The following MUC3A variants were observed in gnomAD, a reference collection of about 807,000 sequenced individuals.
MUC3A encodes mucin 3A, cell surface associated, also known as mucin-3A.
Under a neutral mutation model 109.0 loss-of-function variants are expected in MUC3A, and 109 were observed. That is an observed-to-expected ratio of 1.00 (90% CI 0.86 to 1.17). MUC3A has a LOEUF of 1.17. Ranked by LOEUF, MUC3A falls within the 50% of genes most tolerant of loss-of-function variation. The pLI is 0.00. For missense variants in MUC3A, 3,537 were observed against 2,469.4 expected (o/e 1.43, Z -9.16); for synonymous variants, 1,398 against 981.4 (o/e 1.42, Z -7.93).
rs1261356118 is a variant in MUC3A at position 100,964,898 on chromosome 7, C to G, written c.9382+55C>G. Reference sequence around the variant, plus strand: ...GCCTGAGGTGTCACCCCAGCCCACTCCAGCTCAGCCAGGGGGCCACTGGGC... The same window carrying G: ...GCCTGAGGTGTCACCCCAGCCCACTGCAGCTCAGCCAGGGGGCCACTGGGC... On this transcript the variant is annotated intron_variant, in intron 6 of 11. Coordinates refer to ENST00000379458, the MANE Select transcript of MUC3A (RefSeq NM_005960.2). 5 of 1,537,626 alleles carry G rather than the reference C, an allele frequency of 3.3e-6. No homozygotes were observed. The Admixed American group carries it at 9.6e-5, about 29-fold the overall frequency.
At chr7:100,966,215 A>T (rs74619383) in intron 8 of MUC3A, 171 bp from the exon 9 acceptor site, 1 of 305,836 alleles carries the variant, frequency 3.3e-6, no homozygotes, top group Non-Finnish European at 4.1e-6. Flanking sequence ...CACCTAGGGT[A>T]GAGCCCCGGC....
At chr7:100,966,065 C>A in intron 8 of MUC3A, 199 bp downstream of exon 8, 2 of 534,800 alleles carry the variant, frequency 3.7e-6, no homozygotes, top group Non-Finnish European at 5.3e-6. Context: ...GGGGTTGAGT[C>A]CTGTCCCCTA....
chr7:100,959,172 A>C lies in MUC3A; in HGVS notation c.7393A>C (p.Thr2465Pro). Residue 2465 changes from threonine to proline, a missense_variant, in exon 2 of 12, where the codon ACC (threonine) becomes CCC (proline). Physicochemically the swap from Thr to Pro is conservative, Grantham distance 38. Transcript: ENST00000379458. Reference protein sequence around the residue: ...STTAITSHFTTSETAVTPTPV... With the variant: ...STTAITSHFTPSETAVTPTPV... ...AACTGCCATCACCTCACATTTTACTACCTCAGAGACTGCGGTGACTCCCAC... is the reference window on the plus strand; with the variant it reads ...AACTGCCATCACCTCACATTTTACTCCCTCAGAGACTGCGGTGACTCCCAC... The C allele has an allele frequency of 1.3e-6, 2 of 1,598,240 alleles. No individual in the cohort carries two copies. The highest frequency in any genetic ancestry group is 1.7e-6 in the Non-Finnish European group (2 of 1,179,748).
At chr7:100,951,527 A>C (rs1212262765) in intron 1 of MUC3A, among the ~76,000 whole-genome samples, 2 of 152,102 alleles carry the variant, frequency 1.3e-5, no homozygotes, top group Non-Finnish European at 2.9e-5. Flanking sequence ...TGACCAGAGG[A>C]GGGAAGGGAG....
At position 100,952,088 on chromosome 7, in the gene MUC3A, C is replaced by A; in HGVS notation, c.309C>A (p.Thr103=). 1 of 1,598,658 alleles carries A rather than the reference C, an allele frequency of 6.3e-7. No homozygotes were observed. Among genetic ancestry groups the A allele is most frequent in the East Asian group, 2.2e-5 (1 of 44,892 alleles). The change falls in exon 2 of 12, where the codon ACC becomes ACA. Residue 103 remains threonine, a synonymous_variant. Transcript: ENST00000379458. ...NSPVSSNTST[T]PTSKFAFKVE... ...CAGTCAGTTCCAACACCTCAACCACCCCGACGTCCAAGTTTGCCTTCAAGG... is the reference window on the plus strand; with the variant it reads ...CAGTCAGTTCCAACACCTCAACCACACCGACGTCCAAGTTTGCCTTCAAGG...
At position 100,958,765 on chromosome 7, in the gene MUC3A, C is replaced by G. The variant is rs751655829; in HGVS notation, c.6986C>G (p.Thr2329Ser). 6.6e-7 allele frequency: 1 copy of G among 1,505,392 alleles called. No homozygotes were observed. Among genetic ancestry groups the G allele is most frequent in the Non-Finnish European group, 9.0e-7 (1 of 1,115,468 alleles). The allele number at this position is 1,505,392 out of a possible 1,614,324, so 93.3% of individuals were successfully genotyped here. The stretch of plus-strand genomic sequence containing the variant: ...GCTCACAGCTTCACTTCTTCGATCA[C>G]CACCACCGAGACCACCTCACACAAT... ...HSAHSFTSSI[T>S]TTETTSHNTR... Residue 2329 changes from threonine to serine, a missense_variant, in exon 2 of 12, where the codon ACC (threonine) becomes AGC (serine). Physicochemically the swap from Thr to Ser is moderately conservative, Grantham distance 58. Transcript: ENST00000379458.
chr7:100,965,992 C>A (rs1792527253), intron 8 of MUC3A, 126 bp downstream of exon 8: 1 of 1,387,806 alleles, frequency 7.2e-7, no homozygotes, highest in Non-Finnish European at 9.5e-7. Flanking sequence ...CCCAGAGTGC[C>A]GCTCCAAGCC....
chr7:100,957,713 A>T lies in MUC3A; in HGVS notation c.5934A>T (p.Ser1978=). 6.6e-6 allele frequency: 2 copies of T among 300,892 alleles called. No homozygotes were observed. The highest frequency in any genetic ancestry group is 1.1e-4 in the East Asian group (1 of 9,320). The allele number at this position is 300,892 out of a possible 1,614,324, so 18.6% of individuals were successfully genotyped here. A position where few individuals can be genotyped will look rare whatever the true frequency, so the allele number is the denominator to read the frequency against. ...ACAATACTCCCAGCCTCACTTCTTC[A>T]ATCACCACCACCAAGACCACCTCAC... The part of the protein sequence containing the change: ...TSHNTPSLTS[S]ITTTKTTSHS... The change falls in exon 2 of 12, where the codon TCA becomes TCT. Residue 1978 remains serine, a synonymous_variant. Transcript: ENST00000379458.
rs75977979 is a variant in MUC3A at position 100,958,654 on chromosome 7, C to T, written c.6875C>T (p.Ser2292Phe). 1 of 1,317,644 alleles carries T rather than the reference C, an allele frequency of 7.6e-7. No individual in the cohort carries two copies. The highest frequency in any genetic ancestry group is 9.7e-7 in the Non-Finnish European group (1 of 1,027,020). The allele number at this position is 1,317,644 out of a possible 1,614,324, so 81.6% of individuals were successfully genotyped here. A position where few individuals can be genotyped will look rare whatever the true frequency, so the allele number is the denominator to read the frequency against. ...TPSHSTPSST[S>F]LITTTKTTSH... ...TCACACAGTACTCCCAGCTCCACTT[C>T]TTTAATCACCACCACCAAGACCACC... Residue 2292 changes from serine to phenylalanine, a missense_variant, in exon 2 of 12, where the codon TCT (serine) becomes TTT (phenylalanine). Ser to Phe is a radical substitution (Grantham distance 155). Transcript: ENST00000379458.
intron 3 of MUC3A, 138 bp downstream of exon 3, chr7:100,961,075 C>T (rs1303400390): frequency 1.3e-6 from 2 of 1,528,276 alleles, no homozygotes; most frequent in East Asian, 2.4e-5. Context: ...CTCTCCCATG[C>T]CCTCCGCTGC....
chr7:100,957,298 C>A lies in MUC3A; in HGVS notation c.5519C>A (p.Thr1840Asn). The change falls in exon 2 of 12, where the codon ACC becomes AAC. Residue 1840 changes from threonine (T) to asparagine (N), a missense_variant. By Grantham distance (65) the Thr-to-Asn change is moderately conservative. Transcript: ENST00000379458. ...DTSSTPTSET[T>N]YPTSLTSALT... ...AGTTCTACACCTACATCTGAGACCA[C>A]CTACCCTACTTCTCTTACTAGTGCT... 1 of 562,180 alleles carries A rather than the reference C, an allele frequency of 1.8e-6. No homozygotes were observed. Among genetic ancestry groups the A allele is most frequent in the Non-Finnish European group, 3.1e-6 (1 of 321,316 alleles). The allele number at this position is 562,180 out of a possible 1,614,324, so 34.8% of individuals were successfully genotyped here.
intron 8 of MUC3A, 149 bp from the exon 9 acceptor site, chr7:100,966,237 G>GGGAGGAGACCCGTCCGCTTGTTCTAC: frequency 1.5e-6 from 1 of 663,560 alleles, no homozygotes; most frequent in Non-Finnish European, 2.1e-6. Flanking sequence ...CCTCGTTCTA[G>GGGAGGAGACCCGTCCGCTTGTTCTAC]GGTGGATTCC....
intron 11 of MUC3A, 84 bp from the exon 12 acceptor site, chr7:100,967,037 G>A: frequency 6.3e-7 from 1 of 1,598,496 alleles, no homozygotes; most frequent in Non-Finnish European, 8.5e-7. Context: ...GGCAGGGAGG[G>A]GGCTGGGCTC....
chr7:100,962,181 G>A (rs1792349528), intron 3 of MUC3A, among the ~76,000 whole-genome samples: 2 of 97,852 alleles, frequency 2.0e-5, no homozygotes, highest in African/African-American at 6.7e-5. Flanking sequence ...GCAGTGAGCC[G>A]AGATCCCGCC....
Position 100,954,762 on chromosome 7 carries a change from A to G in MUC3A, c.2983A>G (p.Ile995Val), listed in dbSNP as rs1339446181. 1 of 400,866 alleles carries G rather than the reference A, an allele frequency of 2.5e-6. No homozygotes were observed. Among genetic ancestry groups the G allele is most frequent in the African/African-American group, 2.1e-5 (1 of 48,414 alleles). 24.8% of individuals were successfully genotyped at this position (400,866 alleles called of 1,614,324 possible). ...CACTACACTGACTCCTACAACTGACATTTCTACAGTATCTCTCACAACAGC... is the reference window on the plus strand; with the variant it reads ...CACTACACTGACTCCTACAACTGACGTTTCTACAGTATCTCTCACAACAGC... ...ETTTLTPTTD[I>V]STVSLTTAMT... The change falls in exon 2 of 12, where the codon ATT becomes GTT. Residue 995 changes from isoleucine to valine, a missense_variant. Ile to Val is a conservative substitution (Grantham distance 29, BLOSUM62 3). Transcript: ENST00000379458.
In MUC3A at chr7:100,951,909, C is replaced by CCT; in HGVS notation, c.130_131insCT (p.Leu44ProfsTer34). The CCT allele has an allele frequency of 6.3e-7, 1 of 1,598,642 alleles. No individual in the cohort carries two copies. Among genetic ancestry groups the CCT allele is most frequent in the South Asian group, 1.1e-5 (1 of 91,092 alleles). ...CAGAGCAGAAGCAGCCAGCGCTGTG[C>CCT]TCAGCAATTCTCCACACTCCAGAGA... On this transcript the variant is annotated frameshift_variant, in exon 2 of 12. Transcript: ENST00000379458. LOFTEE classifies it high-confidence loss of function.
chr7:100,963,856 G>T (rs1792427425), intron 5 of MUC3A, 104 bp downstream of exon 5: 1 of 1,486,680 alleles, frequency 6.7e-7, no homozygotes, highest in Non-Finnish European at 9.1e-7. Flanking sequence ...TTTATAAAGA[G>T]GGGTGGAGGG....
Position 100,958,682 on chromosome 7 carries a change from A to C in MUC3A, c.6903A>C (p.Ser2301=), listed in dbSNP as rs371970072. Residue 2301 remains serine, a synonymous_variant, in exon 2 of 12, where the codon TCA becomes TCC. Coordinates refer to ENST00000379458, the MANE Select transcript of MUC3A (RefSeq NM_005960.2). ...TSLITTTKTT[S]HSTPSFTSSI... is the part of the protein sequence containing the mutation. ...TAATCACCACCACCAAGACCACCTC[A>C]CACAGTACTCCCAGCTTCACTTCTT... is the stretch of plus-strand genomic sequence containing the variant. 2.5e-5 allele frequency: 39 copies of C among 1,573,948 alleles called. No individual in the cohort carries two copies. The highest frequency in any genetic ancestry group is 9.0e-5 in the East Asian group (4 of 44,608).
Position 100,963,286 on chromosome 7 carries a change from G to GTTTT in MUC3A, c.9168+20_9168+21insTTTT. The GTTTT allele has an allele frequency of 1.3e-5, 19 of 1,494,206 alleles. No homozygotes were observed. The highest frequency in any genetic ancestry group is 3.0e-5 in the African/African-American group (2 of 65,790). The allele number at this position is 1,494,206 out of a possible 1,614,324, so 92.6% of individuals were successfully genotyped here. A position where few individuals can be genotyped will look rare whatever the true frequency, so the allele number is the denominator to read the frequency against. ...AATCAGGTAAAGGGCAAAGAGAGGG[G>GTTTT]ATTTTTTTTTTTTTTTTGAGGTGTA... On this transcript the variant is annotated intron_variant, in intron 4 of 11. Transcript: ENST00000379458.
Sources: gnomAD v4.1 joint callset for allele counts (sites outside exome capture counted in the v4.1 genomes callset) on GRCh38, gnomAD v4.1.1 for gene constraint, MANE v1.5 for transcripts, NCBI Gene and HGNC (gene_info 2026-07-23, HGNC 2026-07-21) for gene names.